The following NACC2 variants were observed in gnomAD, a reference collection of about 807,000 sequenced individuals.
NACC2 encodes nucleus accumbens-associated protein 2.
In NACC2, 8 loss-of-function variants were observed where a neutral mutation model predicts 25.1. That is an observed-to-expected ratio of 0.32 (90% CI 0.19 to 0.57). NACC2 has a LOEUF of 0.57. Ranked by LOEUF, NACC2 falls within the 20% of genes least tolerant of loss-of-function variation. The pLI, the probability that NACC2 is intolerant of heterozygous loss-of-function variation, is 0.89. For synonymous variants in NACC2, 435 were observed against 294.7 expected, an observed-to-expected ratio of 1.48 and a Z score of -4.88; for missense variants, 644 against 650.2, an observed-to-expected ratio of 0.99 and a Z score of 0.10.
In NACC2 at chr9:136,012,040, G is replaced by A. The variant is rs751434243; in HGVS notation, c.1256-16C>T. On this transcript the variant is annotated splice_polypyrimidine_tract_variant and intron_variant, in intron 5 of 5. Transcript: ENST00000277554. The stretch of plus-strand genomic sequence containing the variant: ...TGACAGTACACTGTGAGGACGGGGC[G>A]GCGTGAGCTCAGCCACCTGCCTGCC... 2.3e-5 allele frequency: 35 copies of A among 1,517,406 alleles called. No homozygotes were observed. Among genetic ancestry groups the A allele is most frequent in the East Asian group, 1.7e-4 (7 of 40,392 alleles). The allele number at this position is 1,517,406 out of a possible 1,614,324, so 94.0% of individuals were successfully genotyped here. A position where few individuals can be genotyped will look rare whatever the true frequency, so the allele number is the denominator to read the frequency against.
At chr9:136,051,643 C>T (rs1840839806) in intron 1 of NACC2, among the ~76,000 whole-genome samples, 1 of 152,028 alleles carries the variant, frequency 6.6e-6, no homozygotes, top group Non-Finnish European at 1.5e-5. Flanking sequence ...GGAGCCACCG[C>T]GCCGGGAGCT....
chr9:136,028,086 C>T lies in NACC2; in HGVS notation c.887-11657G>A, dbSNP rs1327900928. On this transcript the variant is annotated intron_variant, in intron 2 of 5. Coordinates refer to ENST00000277554, the MANE Select transcript of NACC2 (RefSeq NM_144653.5). Reference sequence around the variant, plus strand: ...ACCAGCCTGGCCAACATGGTGAAACCCCCATCTCTACTAAAAATACAAAAA... The same window carrying T: ...ACCAGCCTGGCCAACATGGTGAAACTCCCATCTCTACTAAAAATACAAAAA... Among the ~76,000 whole-genome samples, 4 of 151,938 alleles carry T rather than the reference C, an allele frequency of 2.6e-5. No individual in the cohort carries two copies. In the Middle Eastern group the frequency reaches 0.014, roughly 517 times the overall value.
chr9:136,056,763 G>A (rs561103628), intron 1 of NACC2, among the ~76,000 whole-genome samples: 1 of 152,196 alleles, frequency 6.6e-6, no homozygotes, highest in African/African-American at 2.4e-5. Flanking sequence ...TCTCCGTTCA[G>A]CCAGGTCCCT....
Position 136,076,882 on chromosome 9 carries a change from C to T in NACC2, c.-60+18307G>A, listed in dbSNP as rs1228113021. Among the ~76,000 whole-genome samples, 17 of 151,754 alleles carry T rather than the reference C, an allele frequency of 1.1e-4. 1 individual carries two copies. The highest frequency in any genetic ancestry group is 7.9e-4 in the Admixed American group (12 of 15,254). ...AAAATTAGCCGGGCGTGGTGGCGGG[C>T]GCCTGTAGTCCCAGCTACTTGGGAC... On this transcript the variant is annotated intron_variant, in intron 1 of 5. Transcript: ENST00000277554.
chr9:136,027,781 C>T (rs1039039745), intron 2 of NACC2, among the ~76,000 whole-genome samples: 11 of 152,080 alleles, frequency 7.2e-5, no homozygotes, highest in Non-Finnish European at 1.5e-4. Context: ...CAATGATCTA[C>T]AGATCTCTCT....
chr9:136,081,465 G>A (rs769001544), intron 1 of NACC2, among the ~76,000 whole-genome samples: 86 of 152,252 alleles, frequency 5.6e-4, no homozygotes, highest in Non-Finnish European at 9.6e-4. Context: ...TGAGCGCGGG[G>A]TGCCCAGGAA....
intron 2 of NACC2, among the ~76,000 whole-genome samples, chr9:136,046,200 G>A (rs1840721700): frequency 6.6e-6 from 1 of 152,170 alleles, no homozygotes; most frequent in South Asian, 2.1e-4. Flanking sequence ...AGGGATGGGG[G>A]TGCAGGGGAG....
intron 1 of NACC2, among the ~76,000 whole-genome samples, chr9:136,078,927 CG>C (rs1220624208): frequency 2.0e-5 from 3 of 152,250 alleles, no homozygotes; most frequent in Non-Finnish European, 4.4e-5. Context: ...CCCATCCCCA[CG>C]GGGAGCAGAT....
intron 1 of NACC2, among the ~76,000 whole-genome samples, chr9:136,070,222 T>C (rs1184389714): frequency 6.6e-6 from 1 of 151,798 alleles, no homozygotes; most frequent in Non-Finnish European, 1.5e-5. Context: ...GAAAATCAAA[T>C]ACGGGCCGGG....
intron 2 of NACC2, among the ~76,000 whole-genome samples, chr9:136,046,445 G>A (rs1840726139): frequency 6.6e-6 from 1 of 152,230 alleles, no homozygotes; most frequent in African/African-American, 2.4e-5. Flanking sequence ...CCAGGAGGAA[G>A]GTCCCTGCCT....
intron 2 of NACC2, among the ~76,000 whole-genome samples, chr9:136,039,471 A>T (rs1840598162): frequency 6.6e-6 from 1 of 152,232 alleles, no homozygotes; most frequent in South Asian, 2.1e-4. Flanking sequence ...ACAAAGGAGA[A>T]GGGAACATAA....
intron 5 of NACC2, among the ~76,000 whole-genome samples, chr9:136,012,360 C>T (rs1182495075): frequency 6.6e-6 from 1 of 152,238 alleles, no homozygotes; most frequent in African/African-American, 2.4e-5. Flanking sequence ...GTCAGAGGGT[C>T]CCCCTTTCGG....
chr9:136,051,632 C>T (rs1840839569), intron 1 of NACC2, among the ~76,000 whole-genome samples: 1 of 152,020 alleles, frequency 6.6e-6, no homozygotes, highest in Admixed American at 6.6e-5. Flanking sequence ...GGGAGGAGGG[C>T]GGAGCCACCG....
chr9:136,087,647 G>C (rs573052153), intron 1 of NACC2, among the ~76,000 whole-genome samples: 1 of 152,190 alleles, frequency 6.6e-6, no homozygotes, highest in African/African-American at 2.4e-5. Flanking sequence ...TACCCCATTC[G>C]GAGCTCACAG....
chr9:136,077,255 C>A (rs557483320), intron 1 of NACC2, among the ~76,000 whole-genome samples: 1 of 150,188 alleles, frequency 6.7e-6, no homozygotes, highest in African/African-American at 2.5e-5. Flanking sequence ...TGCTTGAACC[C>A]GGAGGTGGAG....
chr9:136,079,548 G>A (rs1395127572), intron 1 of NACC2, among the ~76,000 whole-genome samples: 3 of 152,204 alleles, frequency 2.0e-5, no homozygotes, highest in African/African-American at 7.2e-5. Context: ...GGCCTGCTGA[G>A]AATGACACGA....
At position 136,022,136 on chromosome 9, in the gene NACC2, C is replaced by G. The variant is rs1840303320; in HGVS notation, c.887-5707G>C. On this transcript the variant is annotated intron_variant, in intron 2 of 5. Coordinates refer to ENST00000277554, the MANE Select transcript of NACC2 (RefSeq NM_144653.5). This position sits in a 1 kb window ranked among gnomAD's most constrained non-coding sequence, Gnocchi z 4.4. ...GCTGCCGGCTTGGCACAGACCAGCT[C>G]TGGCAACCTGTGAGGGACACTTGTG... is the stretch of plus-strand genomic sequence containing the variant. Among the ~76,000 whole-genome samples, 2 of 152,242 alleles carry G rather than the reference C, an allele frequency of 1.3e-5. No individual in the cohort carries two copies. The highest frequency in any genetic ancestry group is 4.8e-5 in the African/African-American group (2 of 41,468).
At chr9:136,023,472 C>A (rs1009253763) in intron 2 of NACC2, among the ~76,000 whole-genome samples, 7 of 152,060 alleles carry the variant, frequency 4.6e-5, no homozygotes, top group African/African-American at 1.7e-4. Flanking sequence ...CTGGCCAGTG[C>A]CCTCCTTAGA....
At chr9:136,035,534 C>T (rs1010080118) in intron 2 of NACC2, among the ~76,000 whole-genome samples, 43 of 152,128 alleles carry the variant, frequency 2.8e-4, no homozygotes, top group African/African-American at 1.0e-3. Flanking sequence ...CCACAAAATG[C>T]AATGTGTGAT....
Sources: allele counts gnomAD v4.1 joint callset (sites outside exome capture counted in the v4.1 genomes callset), GRCh38; gene constraint gnomAD v4.1.1; non-coding constraint Gnocchi (gnomAD v3.1); transcripts MANE v1.5; gene names NCBI Gene and HGNC (gene_info 2026-07-23, HGNC 2026-07-21).